The following CFAP54 variants were observed in gnomAD, a reference collection of about 807,000 sequenced individuals.
CFAP54 encodes the protein cilia and flagella associated protein 54, also known as cilia- and flagella-associated protein 54.
CFAP54 carries 290 observed loss-of-function variants against 370.4 expected under a neutral mutation model. That is an observed-to-expected ratio of 0.78 (90% CI 0.71 to 0.86). The LOEUF is 0.86. Ranked by LOEUF, CFAP54 falls within the 40% of genes least tolerant of loss-of-function variation. CFAP54 has a pLI of 0.00. For synonymous variants in CFAP54, 1,206 were observed against 1,236.5 expected (o/e 0.98, Z 0.52); for missense variants, 3,399 against 3,528.7 (o/e 0.96, Z 0.93).
intron 2 of CFAP54, among the ~76,000 whole-genome samples, chr12:96,503,094 TTC>T (rs148470161): frequency 0.078 from 10,970 of 140,244 alleles, 888 homozygotes; most frequent in East Asian, 0.46. Context: ...CTTTCTTTCT[TTC>T]TCTCTCTCTC....
At chr12:96,835,406 G>A (rs527952931) in intron 66 of CFAP54, among the ~76,000 whole-genome samples, 123 of 152,268 alleles carry the variant, frequency 8.1e-4, no homozygotes, top group African/African-American at 2.9e-3. Context: ...GCCCGGAAAA[G>A]GCACCATAAG....
At chr12:96,826,965 A>C (rs1236016443) in intron 65 of CFAP54, among the ~76,000 whole-genome samples, 1 of 129,546 alleles carries the variant, frequency 7.7e-6, no homozygotes, top group Non-Finnish European at 1.5e-5. Flanking sequence ...ATAATATGCA[A>C]TTATATATGA....
intron 22 of CFAP54, among the ~76,000 whole-genome samples, chr12:96,583,709 C>T (rs1287156130): frequency 5.3e-5 from 8 of 152,308 alleles, no homozygotes; most frequent in Admixed American, 5.2e-4. Flanking sequence ...CAAGGTTGCT[C>T]AGGTAGCAGA....
At chr12:96,849,911 C>T (rs1302975792) in intron 66 of CFAP54, among the ~76,000 whole-genome samples, 1 of 152,168 alleles carries the variant, frequency 6.6e-6, no homozygotes, top group African/African-American at 2.4e-5. Context: ...GTTTTATTCC[C>T]TCATCTCCAC....
chr12:96,580,588 C>A lies in CFAP54; in HGVS notation c.2797-9C>A. 1 of 1,472,536 alleles carries A rather than the reference C, an allele frequency of 6.8e-7. No homozygotes were observed. The highest frequency in any genetic ancestry group is 1.4e-5 in the South Asian group (1 of 72,366). The allele number at this position is 1,472,536 out of a possible 1,614,324, so 91.2% of individuals were successfully genotyped here. ...GCCTTTTAAACAGGCTCATTTTTCT[C>A]GTCGGCAGGTCTCCTGGTACTGCAT... On this transcript the variant is annotated splice_polypyrimidine_tract_variant and intron_variant, in intron 20 of 67. Coordinates refer to ENST00000524981, the MANE Select transcript of CFAP54 (RefSeq NM_001306084.2).
intron 6 of CFAP54, among the ~76,000 whole-genome samples, chr12:96,520,055 TC>T (rs1366318466): frequency 1.3e-5 from 2 of 152,198 alleles, no homozygotes; most frequent in Non-Finnish European, 2.9e-5. Context: ...TAAGACAGAA[TC>T]TTGCTCTGTT....
intron 50 of CFAP54, among the ~76,000 whole-genome samples, chr12:96,723,694 A>G (rs1448563759): frequency 6.6e-6 from 1 of 151,684 alleles, no homozygotes; most frequent in Non-Finnish European, 1.5e-5. Context: ...TATTATTATT[A>G]TACTTTAAGT....
At chr12:96,824,443 T>G (rs1302354985) in intron 65 of CFAP54, among the ~76,000 whole-genome samples, 1 of 152,210 alleles carries the variant, frequency 6.6e-6, no homozygotes. Flanking sequence ...TTTTGTTTCA[T>G]GGCTCTTAAT....
chr12:96,652,750 A>G (rs1021676259), intron 36 of CFAP54, among the ~76,000 whole-genome samples: 2 of 152,206 alleles, frequency 1.3e-5, no homozygotes, highest in Non-Finnish European at 2.9e-5. Context: ...TACCAGGAGA[A>G]GCACTCTGAA....
chr12:96,625,852 T>G, intron 29 of CFAP54, 45 bp downstream of exon 29: 4 of 1,312,968 alleles, frequency 3.0e-6, no homozygotes, highest in Non-Finnish European at 4.2e-6. Flanking sequence ...GATTTATCAC[T>G]GAAGAGAATT....
At chr12:96,866,168 C>T (rs1441805973) in intron 67 of CFAP54, among the ~76,000 whole-genome samples, 2 of 151,884 alleles carry the variant, frequency 1.3e-5, no homozygotes, top group African/African-American at 2.4e-5. Context: ...TACTAACACT[C>T]ATTTTCTATT....
chr12:96,524,479 T>G (rs1955352980), intron 8 of CFAP54, among the ~76,000 whole-genome samples: 1 of 152,096 alleles, frequency 6.6e-6, no homozygotes. Flanking sequence ...TCAACAACCA[T>G]ATATTGAGTA....
At chr12:96,832,971 G>T (rs1324122689) in intron 66 of CFAP54, among the ~76,000 whole-genome samples, 2 of 152,158 alleles carry the variant, frequency 1.3e-5, no homozygotes, top group East Asian at 1.9e-4. Context: ...AGAAGATCTT[G>T]CTGTGCAATT....
intron 63 of CFAP54, among the ~76,000 whole-genome samples, chr12:96,803,309 T>G (rs1173895244): frequency 6.6e-6 from 1 of 152,086 alleles, no homozygotes; most frequent in African/African-American, 2.4e-5. Flanking sequence ...TAAAAGTGTT[T>G]CTATTTCTCC....
At chr12:96,621,875 G>C (rs202150013) in intron 27 of CFAP54, among the ~76,000 whole-genome samples, 154 bp downstream of exon 27, 1 of 50,020 alleles carries the variant, frequency 2.0e-5, no homozygotes, top group East Asian at 8.4e-4. Context: ...TTTTGGGTTT[G>C]TTTTTTTTTT....
chr12:96,738,784 G>A (rs1296626229), intron 50 of CFAP54, among the ~76,000 whole-genome samples: 1 of 151,952 alleles, frequency 6.6e-6, no homozygotes, highest in Non-Finnish European at 1.5e-5. Flanking sequence ...CTAAATTTTT[G>A]TATTTTTAGT....
rs1044525763 is a variant in CFAP54 at position 96,810,073 on chromosome 12, T to C, written c.8851-1663T>C. Among the ~76,000 whole-genome samples the C allele has an allele frequency of 6.6e-5, 10 of 152,120 alleles. No individual in the cohort carries two copies. The East Asian group carries it at 1.6e-3, about 24-fold the overall frequency. On this transcript the variant is annotated intron_variant, in intron 63 of 67. Transcript: ENST00000524981. ...GAGGAGGCAAGGGAAAGGAGGAGTC[T>C]CCAGGTTGTACCCACCCAGATGAAA...
intron 46 of CFAP54, among the ~76,000 whole-genome samples, chr12:96,703,655 G>A (rs1370728656): frequency 2.0e-5 from 3 of 151,128 alleles, no homozygotes; most frequent in Non-Finnish European, 2.9e-5. Flanking sequence ...ATAATGACAA[G>A]TAATACACCA....
chr12:96,499,570 A>C (rs1392197753), intron 1 of CFAP54, among the ~76,000 whole-genome samples: 1 of 152,202 alleles, frequency 6.6e-6, no homozygotes, highest in Non-Finnish European at 1.5e-5. Context: ...TTACAAAATT[A>C]AACATATTCT....
Sources: gnomAD v4.1 joint callset for allele counts (sites outside exome capture counted in the v4.1 genomes callset) on GRCh38, gnomAD v4.1.1 for gene constraint, MANE v1.5 for transcripts, NCBI Gene and HGNC (gene_info 2026-07-23, HGNC 2026-07-21) for gene names.